The following SH3KBP1 variants were observed in gnomAD, a reference collection of about 807,000 sequenced individuals.
SH3KBP1 encodes the protein SH3 domain-containing kinase-binding protein 1.
SH3KBP1 carries 8 observed loss-of-function variants against 50.1 expected under a neutral mutation model. The ratio of observed to expected loss-of-function variants is 0.16; its 90% CI spans 0.09 to 0.29. The LOEUF is 0.29. Ranked by LOEUF, SH3KBP1 falls within the 10% of genes least tolerant of loss-of-function variation. SH3KBP1 has a pLI of 1.00. For synonymous variants in SH3KBP1, 227 were observed against 218.6 expected (o/e 1.04, Z -0.34); for missense variants, 377 against 535.2 (o/e 0.70, Z 2.92).
At chrX:19,572,361 T>C (rs1185142629) in intron 12 of SH3KBP1, among the ~76,000 whole-genome samples, 1 of 102,396 alleles carries the variant, frequency 9.8e-6, no homozygotes, top group East Asian at 2.8e-4. Context: ...TATATGTATA[T>C]ATAGTACATA....
intron 13 of SH3KBP1, among the ~76,000 whole-genome samples, chrX:19,565,050 A>C (rs1030451368): frequency 2.6e-5 from 2 of 76,929 alleles, no homozygotes; most frequent in Admixed American, 2.6e-4. Flanking sequence ...CTTCAACTCC[A>C]ATTTTTTTTT....
chrX:19,585,204 A>ATACTAAATG (rs375347143), intron 12 of SH3KBP1, among the ~76,000 whole-genome samples: 9 of 111,917 alleles, frequency 8.0e-5, no homozygotes, highest in East Asian at 5.5e-4. Context: ...TAAGACACGC[A>ATACTAAATG]TACTAAATGT....
At chrX:19,724,335 A>G (rs1042086248) in intron 3 of SH3KBP1, among the ~76,000 whole-genome samples, 2 of 112,807 alleles carry the variant, frequency 1.8e-5, no homozygotes, top group Non-Finnish European at 3.7e-5. Context: ...GTCAGCATTT[A>G]AATATTGTAT....
At chrX:19,600,311 G>C (rs2067048459) in intron 9 of SH3KBP1, among the ~76,000 whole-genome samples, 1 of 110,631 alleles carries the variant, frequency 9.0e-6, no homozygotes, top group South Asian at 3.8e-4. Flanking sequence ...TTGAGCCCGG[G>C]AGGCAGAGGC....
intron 16 of SH3KBP1, among the ~76,000 whole-genome samples, chrX:19,539,889 G>C (rs1456566537): frequency 1.8e-5 from 2 of 111,870 alleles, no homozygotes; most frequent in African/African-American, 6.5e-5. Flanking sequence ...GTTGGCCGGG[G>C]AAAGACAATT....
At chrX:19,568,941 T>C (rs372608974) in intron 13 of SH3KBP1, among the ~76,000 whole-genome samples, 162 bp downstream of exon 13, 1 of 112,666 alleles carries the variant, frequency 8.9e-6, no homozygotes, top group African/African-American at 3.2e-5. Flanking sequence ...AGCACCATCA[T>C]TTCCCTTCTT....
At chrX:19,598,229 TTTTATTTATTTATTTA>T (rs60833421) in intron 9 of SH3KBP1, among the ~76,000 whole-genome samples, 15 of 101,906 alleles carry the variant, frequency 1.5e-4, no homozygotes, top group Middle Eastern at 4.3e-3. Flanking sequence ...GCAAGTCTGT[TTTTATTTATTTATTTA>T]TTTATTTATT....
At chrX:19,591,630 C>T (rs1454195317) in intron 11 of SH3KBP1, among the ~76,000 whole-genome samples, 2 of 112,005 alleles carry the variant, frequency 1.8e-5, no homozygotes, top group East Asian at 5.6e-4. Context: ...AAAGAGCTTT[C>T]ATTTGTTTAT....
intron 1 of SH3KBP1, among the ~76,000 whole-genome samples, chrX:19,882,363 A>AGCC (rs773772208): frequency 7.2e-5 from 8 of 111,306 alleles, no homozygotes; most frequent in Non-Finnish European, 1.3e-4. Context: ...TGAGGAGATG[A>AGCC]GCCTGGAATA....
intron 2 of SH3KBP1, among the ~76,000 whole-genome samples, chrX:19,830,507 A>T (rs909850846): frequency 4.5e-5 from 5 of 111,660 alleles, no homozygotes; most frequent in African/African-American, 1.6e-4. Context: ...CTATAATCCC[A>T]ACACTTTAGG....
chrX:19,805,605 C>G (rs1349904668), intron 2 of SH3KBP1, among the ~76,000 whole-genome samples: 3 of 108,257 alleles, frequency 2.8e-5, no homozygotes, highest in South Asian at 4.1e-4. Context: ...CCGAACCTGA[C>G]AGATTTGGGT....
intron 8 of SH3KBP1, among the ~76,000 whole-genome samples, chrX:19,611,297 G>A (rs73457694): frequency 0.026 from 2,888 of 112,094 alleles, 83 homozygotes; most frequent in African/African-American, 0.088. Context: ...AAATGTTAAT[G>A]AGCAAAAGCC....
At chrX:19,607,715 G>C (rs996053224) in intron 9 of SH3KBP1, among the ~76,000 whole-genome samples, 1 of 112,021 alleles carries the variant, frequency 8.9e-6, no homozygotes, top group African/African-American at 3.2e-5. Flanking sequence ...ACACTATCTT[G>C]TTTATGTATG....
rs138678188 is a variant in SH3KBP1 at position 19,565,870 on chromosome X, T to C, written c.1384+3233A>G. Among the ~76,000 whole-genome samples, 62 of 111,608 alleles carry C rather than the reference T, an allele frequency of 5.6e-4. 1 individual carries two copies. The East Asian group carries it at 0.012, about 21-fold the overall frequency. The stretch of plus-strand genomic sequence containing the variant: ...AAAATGGTGTACAACAATACACACA[T>C]TTAACACCCTAAGGGGACGTTTTAC... On this transcript the variant is annotated intron_variant, in intron 13 of 17. Coordinates refer to ENST00000397821, the MANE Select transcript of SH3KBP1 (RefSeq NM_031892.3).
At chrX:19,616,906 C>A (rs778758838) in intron 8 of SH3KBP1, among the ~76,000 whole-genome samples, 2 of 111,816 alleles carry the variant, frequency 1.8e-5, no homozygotes, top group Non-Finnish European at 3.8e-5. Flanking sequence ...CCACTCAGCT[C>A]ACAGCCCCTC....
intron 6 of SH3KBP1, among the ~76,000 whole-genome samples, chrX:19,661,900 T>G (rs1422075626): frequency 9.0e-6 from 1 of 111,674 alleles, no homozygotes; most frequent in Non-Finnish European, 1.9e-5. Context: ...GTGCTGGGAT[T>G]ACAGGTGTGA....
chrX:19,729,133 T>C (rs939148770), intron 3 of SH3KBP1, among the ~76,000 whole-genome samples: 1 of 112,654 alleles, frequency 8.9e-6, no homozygotes, highest in African/African-American at 3.2e-5. Flanking sequence ...AGGCAGGATA[T>C]TTGTAAACTG....
intron 9 of SH3KBP1, among the ~76,000 whole-genome samples, chrX:19,602,365 G>T (rs1259689887): frequency 8.9e-6 from 1 of 111,821 alleles, no homozygotes; most frequent in African/African-American, 3.3e-5. Context: ...GAGAAGCTTG[G>T]GACATGGGCT....
At chrX:19,853,898 G>A (rs1023294767) in intron 1 of SH3KBP1, among the ~76,000 whole-genome samples, 2 of 107,409 alleles carry the variant, frequency 1.9e-5, no homozygotes, top group Non-Finnish European at 3.9e-5. Context: ...GGAGGCAGAC[G>A]TTGCAGTGAG....
Sources: allele counts gnomAD v4.1 joint callset (sites outside exome capture counted in the v4.1 genomes callset), GRCh38; gene constraint gnomAD v4.1.1; transcripts MANE v1.5; gene names NCBI Gene and HGNC (gene_info 2026-07-23, HGNC 2026-07-21).